Variants in PTPRT observed in about 807,000 individuals in gnomAD.
The protein encoded by PTPRT is protein tyrosine phosphatase receptor type T, also known as receptor-type tyrosine-protein phosphatase T.
A neutral mutation model predicts 176.8 loss-of-function variants in PTPRT; 56 were observed. The observed-to-expected ratio is 0.32, with a 90% CI of 0.26 to 0.40. The LOEUF is 0.40. Among genes scored for constraint, PTPRT ranks in the 10% least tolerant of loss-of-function variants. The probability of loss-of-function intolerance (pLI) is 1.00; values close to 1 mark genes in which losing one functional copy is unlikely to be tolerated. For missense variants in PTPRT, 1,540 were observed against 1,908.2 expected (o/e 0.81, Z 3.60); for synonymous variants, 783 against 739.0 (o/e 1.06, Z -0.96).
At chr20:42,872,306 A>C (rs2078858847) in intron 2 of PTPRT, among the ~76,000 whole-genome samples, 1 of 152,242 alleles carries the variant, frequency 6.6e-6, no homozygotes, top group African/African-American at 2.4e-5. Context: ...CTCACTGATT[A>C]GTAGTTGTGG....
chr20:42,496,658 A>G lies in PTPRT; in HGVS notation c.1154-24096T>C, dbSNP rs115442636. On this transcript the variant is annotated intron_variant, in intron 7 of 30. Transcript: ENST00000373187. Reference sequence around the variant, plus strand: ...TCACCACCTTTTTTTTTTTTTTGCCATATCCACAATCTCTTTCATAATGTC... The same window carrying G: ...TCACCACCTTTTTTTTTTTTTTGCCGTATCCACAATCTCTTTCATAATGTC... Among the ~76,000 whole-genome samples the G allele has an allele frequency of 5.6e-3, 818 of 146,044 alleles. 10 individuals carry two copies. The highest frequency in any genetic ancestry group is 0.019 in the African/African-American group (738 of 39,572).
intron 7 of PTPRT, among the ~76,000 whole-genome samples, chr20:42,600,874 G>A (rs1323803594): frequency 6.6e-6 from 1 of 152,104 alleles, no homozygotes; most frequent in Non-Finnish European, 1.5e-5. Flanking sequence ...CACTAAGGTT[G>A]GTTTCATGAT....
intron 2 of PTPRT, among the ~76,000 whole-genome samples, chr20:42,872,526 C>G (rs1418914969): frequency 6.6e-6 from 1 of 152,220 alleles, no homozygotes; most frequent in African/African-American, 2.4e-5. Flanking sequence ...TGCAAAGAAG[C>G]AGAAGCAGTT....
intron 1 of PTPRT, among the ~76,000 whole-genome samples, chr20:43,123,002 G>C (rs1226847617): frequency 3.3e-5 from 5 of 152,008 alleles, no homozygotes; most frequent in African/African-American, 1.2e-4. Flanking sequence ...TTACAGGTGT[G>C]AGCCACCACA....
chr20:43,186,121 G>A (rs531802333), intron 1 of PTPRT, among the ~76,000 whole-genome samples: 1 of 152,262 alleles, frequency 6.6e-6, no homozygotes, highest in African/African-American at 2.4e-5. Flanking sequence ...CATTCACTCT[G>A]CATATTGCAT....
intron 2 of PTPRT, among the ~76,000 whole-genome samples, chr20:42,871,459 T>C (rs983920254): frequency 6.6e-6 from 1 of 152,210 alleles, no homozygotes; most frequent in Non-Finnish European, 1.5e-5. Context: ...CTGTTCCCTT[T>C]GAAACACATT....
intron 1 of PTPRT, among the ~76,000 whole-genome samples, chr20:43,120,364 C>T (rs1338512522): frequency 2.0e-5 from 3 of 151,992 alleles, no homozygotes; most frequent in Non-Finnish European, 2.9e-5. Flanking sequence ...CTCCGCCTCC[C>T]GGGTTCACCC....
At chr20:42,448,910 T>C (rs982264711) in intron 8 of PTPRT, among the ~76,000 whole-genome samples, 4 of 152,144 alleles carry the variant, frequency 2.6e-5, no homozygotes, top group Non-Finnish European at 5.9e-5. Context: ...AGAAAGTTTA[T>C]GAATTTGTAT....
At chr20:42,619,478 A>G (rs1245366831) in intron 7 of PTPRT, among the ~76,000 whole-genome samples, 1 of 126,994 alleles carries the variant, frequency 7.9e-6, no homozygotes, top group East Asian at 2.0e-4. Flanking sequence ...CTGAATCTGA[A>G]CGTTGGCCTG....
intron 1 of PTPRT, among the ~76,000 whole-genome samples, chr20:42,987,867 G>C (rs1221738940): frequency 6.6e-6 from 1 of 152,190 alleles, no homozygotes. Context: ...AAAGCTTGAC[G>C]GGAGCTGGGG....
At chr20:42,949,252 T>G (rs1981079093) in intron 1 of PTPRT, among the ~76,000 whole-genome samples, 1 of 152,210 alleles carries the variant, frequency 6.6e-6, no homozygotes. Flanking sequence ...TTAGTTATTT[T>G]CTTCCCCAAT....
intron 6 of PTPRT, among the ~76,000 whole-genome samples, chr20:42,678,462 G>T (rs1387475709): frequency 6.6e-6 from 1 of 152,000 alleles, no homozygotes; most frequent in Non-Finnish European, 1.5e-5. Flanking sequence ...CACCACGGCT[G>T]GTTAATTTTT....
intron 1 of PTPRT, among the ~76,000 whole-genome samples, chr20:42,890,264 A>G (rs1420853077): frequency 3.3e-5 from 5 of 152,232 alleles, no homozygotes; most frequent in African/African-American, 1.2e-4. Context: ...TTTAAGAACT[A>G]TTCAGGGGAG....
intron 2 of PTPRT, among the ~76,000 whole-genome samples, chr20:42,834,395 T>C (rs6030508): frequency 0.11 from 17,047 of 152,066 alleles, 1,127 homozygotes; most frequent in African/African-American, 0.19. Flanking sequence ...TGGAACAAAT[T>C]GAATCCTCAC....
At chr20:42,520,982 A>C (rs1226040595) in intron 7 of PTPRT, among the ~76,000 whole-genome samples, 7 of 149,838 alleles carry the variant, frequency 4.7e-5, no homozygotes, top group African/African-American at 7.6e-5. Context: ...ATATGTGACT[A>C]TCTGTCTGTC....
chr20:43,005,596 T>C (rs1384833820), intron 1 of PTPRT, among the ~76,000 whole-genome samples: 1 of 152,164 alleles, frequency 6.6e-6, no homozygotes, highest in Non-Finnish European at 1.5e-5. Context: ...ATTAATTATT[T>C]TTTTACTTAT....
At chr20:42,280,554 C>T (rs1278409400) in intron 13 of PTPRT, among the ~76,000 whole-genome samples, 1 of 152,218 alleles carries the variant, frequency 6.6e-6, no homozygotes, top group Non-Finnish European at 1.5e-5. Flanking sequence ...CTCATTCATG[C>T]ATTCCTATCC....
At position 42,316,000 on chromosome 20, in the gene PTPRT, G is replaced by C. The variant is rs767869055; in HGVS notation, c.1866-4C>G. The C allele has an allele frequency of 6.2e-7, 1 of 1,613,676 alleles. No individual in the cohort carries two copies. The highest frequency in any genetic ancestry group is 8.5e-7 in the Non-Finnish European group (1 of 1,179,814). ...CTTGACAACCAGCTGATAAACACTGGACAGGAAAGAGGAGACACAGATGGT... is the reference window on the plus strand; with the variant it reads ...CTTGACAACCAGCTGATAAACACTGCACAGGAAAGAGGAGACACAGATGGT... On this transcript the variant is annotated splice_region_variant and splice_polypyrimidine_tract_variant and intron_variant, in intron 11 of 30. Coordinates refer to ENST00000373187, the MANE Select transcript of PTPRT (RefSeq NM_007050.6).
intron 9 of PTPRT, among the ~76,000 whole-genome samples, chr20:42,394,601 G>T (rs184414651): frequency 1.3e-5 from 2 of 152,258 alleles, no homozygotes; most frequent in African/African-American, 4.8e-5. Context: ...CGCAGCTTAG[G>T]ATATGATTGG....
Sources: allele counts gnomAD v4.1 joint callset (sites outside exome capture counted in the v4.1 genomes callset), GRCh38; gene constraint gnomAD v4.1.1; transcripts MANE v1.5; gene names NCBI Gene and HGNC (gene_info 2026-07-23, HGNC 2026-07-21).